Variants in CDPF1 observed in about 807,000 individuals in gnomAD.
CDPF1 encodes the protein cysteine-rich DPF motif domain-containing protein 1.
CDPF1 carries 8 observed loss-of-function variants against 8.3 expected under a neutral mutation model. The observed-to-expected ratio is 0.96, with a 90% CI of 0.57 to 1.74. The LOEUF (loss-of-function observed/expected upper bound fraction) is 1.74. Among genes scored for constraint, CDPF1 ranks in the 40% most tolerant of loss-of-function variants. The pLI, the probability that CDPF1 is intolerant of heterozygous loss-of-function variation, is 0.00. For synonymous variants in CDPF1, 62 were observed against 62.9 expected, an observed-to-expected ratio of 0.99 and a Z score of 0.07; for missense variants, 151 against 155.3, an observed-to-expected ratio of 0.97 and a Z score of 0.15.
In CDPF1 at chr22:46,246,585, C is replaced by T. The variant is rs201588168; in HGVS notation, c.225+525G>A. On this transcript the variant is annotated intron_variant, in intron 3 of 3. Coordinates refer to ENST00000314567, the MANE Select transcript of CDPF1 (RefSeq NM_207327.5). The surrounding 1 kb of genome is among the most constrained non-coding windows in gnomAD (Gnocchi z 7.1). ...CCACTTCCATCCGTCCTTGGGTTTA[C>T]AGCTACCCAGGTGAACCTGGCCCAC... 6.8e-6 allele frequency: 10 copies of T among 1,475,676 alleles called. No homozygotes were observed. The East Asian group carries it at 1.5e-4, about 22-fold the overall frequency. 91.4% of individuals were successfully genotyped at this position (1,475,676 alleles called of 1,614,324 possible).
rs944670977 is a variant in CDPF1 at position 46,249,906 on chromosome 22, T to C, written c.-1+350A>G. 1.3e-5 allele frequency among the ~76,000 whole-genome samples: 2 copies of C among 152,176 alleles called. No homozygotes were observed. Among genetic ancestry groups the C allele is most frequent in the Non-Finnish European group, 2.9e-5 (2 of 68,040 alleles). ...GTGTGCGTGAACCTGATCCCGCTTCTCTTCTGCACGCCGGGGCGTCCTAGG... is the reference window on the plus strand; with the variant it reads ...GTGTGCGTGAACCTGATCCCGCTTCCCTTCTGCACGCCGGGGCGTCCTAGG... On this transcript the variant is annotated intron_variant, in intron 1 of 3. Transcript: ENST00000314567. This position sits in a 1 kb window ranked among gnomAD's most constrained non-coding sequence, Gnocchi z 4.6.
rs1401753841 is a variant in CDPF1 at position 46,245,134 on chromosome 22, A to C, written c.330T>G (p.Ala110=). The C allele has an allele frequency of 5.0e-6, 8 of 1,614,202 alleles. No individual in the cohort carries two copies. Among genetic ancestry groups the C allele is most frequent in the Non-Finnish European group, 6.8e-6 (8 of 1,180,016 alleles). Residue 110 remains alanine (A), a synonymous_variant, in exon 4 of 4, where the codon GCT becomes GCG. Coordinates refer to ENST00000314567, the MANE Select transcript of CDPF1 (RefSeq NM_207327.5). The surrounding 1 kb of genome is among the most constrained non-coding windows in gnomAD (Gnocchi z 6.9). ...EIRQDLEKRK[A]PSKRTPSQPG... ...GCTGGCTGGGGGTCCTCTTTGATGG[A>C]GCTTTCCTTTTCTCCAAGTCTTGCC...
rs879858972 is a variant in CDPF1 at position 46,248,446 on chromosome 22, G to A, written c.1-162C>T. Reference sequence around the variant, plus strand: ...CCAGCTGAAACAGGTTTTCACCGGTGCCCAGAGTGACAGGATTTGCTGTCC... The same window carrying A: ...CCAGCTGAAACAGGTTTTCACCGGTACCCAGAGTGACAGGATTTGCTGTCC... On this transcript the variant is annotated intron_variant, in intron 1 of 3. Transcript: ENST00000314567. The surrounding 1 kb of genome is among the most constrained non-coding windows in gnomAD (Gnocchi z 4.1). Among the ~76,000 whole-genome samples, 6 of 152,202 alleles carry A rather than the reference G, an allele frequency of 3.9e-5. No individual in the cohort carries two copies. Among genetic ancestry groups the A allele is most frequent in the Non-Finnish European group, 7.3e-5 (5 of 68,034 alleles).
Position 46,246,632 on chromosome 22 carries a change from T to A in CDPF1, c.225+478A>T. On this transcript the variant is annotated intron_variant, in intron 3 of 3. Transcript: ENST00000314567. The surrounding 1 kb of genome is among the most constrained non-coding windows in gnomAD (Gnocchi z 7.1). ...CCACCCAGCCTCTCTGAAGCTCAGTTCCCTCATCTATAAAATGGGTGGAAT... is the reference window on the plus strand; with the variant it reads ...CCACCCAGCCTCTCTGAAGCTCAGTACCCTCATCTATAAAATGGGTGGAAT... 1 of 1,542,196 alleles carries A rather than the reference T, an allele frequency of 6.5e-7. No homozygotes were observed.
At position 46,250,257 on chromosome 22, in the gene CDPF1, G is replaced by C. The variant is rs1011029920; in HGVS notation, c.-2C>G. 6.6e-6 allele frequency: 1 copy of C among 152,494 alleles called. No homozygotes were observed. Among genetic ancestry groups the C allele is most frequent in the Non-Finnish European group, 1.5e-5 (1 of 68,266 alleles). The allele number at this position is 152,494 out of a possible 1,614,324, so 9.4% of individuals were successfully genotyped here. A position where few individuals can be genotyped will look rare whatever the true frequency, so the allele number is the denominator to read the frequency against. On this transcript the variant is annotated splice_region_variant and 5_prime_UTR_variant, in exon 1 of 4. Transcript: ENST00000314567. ...GTCACTCTGCCACCTCGAACTCACC[G>C]CCGCCCTCGTCCCACGGCTCCGCGT...
rs1224004143 is a variant in CDPF1, at chr22:46,248,228, G to C, written c.57C>G (p.Thr19=). The part of the protein sequence containing the change: ...PLGVFECELC[T]LTAPYSYVGQ... The stretch of plus-strand genomic sequence containing the variant: ...CCACATAGCTGTACGGAGCTGTCAA[G>C]GTACAGAGTTCACACTCAAACACTC... The change falls in exon 2 of 4, where the codon ACC becomes ACG. Residue 19 remains threonine (T), a synonymous_variant. Transcript: ENST00000314567. This position sits in a 1 kb window ranked among gnomAD's most constrained non-coding sequence, Gnocchi z 4.1. 2 of 1,613,788 alleles carry C rather than the reference G, an allele frequency of 1.2e-6. No homozygotes were observed. The highest frequency in any genetic ancestry group is 2.7e-5 in the African/African-American group (2 of 74,946).
Position 46,248,627 on chromosome 22 carries a change from C to T in CDPF1, c.1-343G>A, listed in dbSNP as rs1021351156. 1.3e-5 allele frequency among the ~76,000 whole-genome samples: 2 copies of T among 152,218 alleles called. No homozygotes were observed. The highest frequency in any genetic ancestry group is 2.9e-5 in the Non-Finnish European group (2 of 68,032). ...CTTTACCACAAGCCCCCAGTGAACG[C>T]TGGTGGAGAAGGGCCCAGAGTGGGT... is the stretch of plus-strand genomic sequence containing the variant. On this transcript the variant is annotated intron_variant, in intron 1 of 3. Transcript: ENST00000314567. The surrounding 1 kb of genome is among the most constrained non-coding windows in gnomAD (Gnocchi z 4.1).
At position 46,247,458 on chromosome 22, in the gene CDPF1, G is replaced by A. The variant is rs1207518698; in HGVS notation, c.114-237C>T. On this transcript the variant is annotated intron_variant, in intron 2 of 3. Transcript: ENST00000314567. This position sits in a 1 kb window ranked among gnomAD's most constrained non-coding sequence, Gnocchi z 4.3. ...CTGCTCTCACCTCTGTAACAGCCAT[G>A]GTAGAGAGAACCCCTTGTTCTCAGC... Among the ~76,000 whole-genome samples the A allele has an allele frequency of 6.6e-6, 1 of 152,170 alleles. No homozygotes were observed. Among genetic ancestry groups the A allele is most frequent in the Non-Finnish European group, 1.5e-5 (1 of 68,028 alleles).
Position 46,245,070 on chromosome 22 carries a change from G to T in CDPF1, c.*22C>A, listed in dbSNP as rs73886772. On this transcript the variant is annotated 3_prime_UTR_variant, in exon 4 of 4. Transcript: ENST00000314567. The surrounding 1 kb of genome is among the most constrained non-coding windows in gnomAD (Gnocchi z 6.9). ...AGGAGCTCTGTGCAGGGTGCCGCCC[G>T]ATGACCTAGCCCCAGTTGCACTCAC... The T allele has an allele frequency of 6.2e-7, 1 of 1,613,284 alleles. No individual in the cohort carries two copies. Among genetic ancestry groups the T allele is most frequent in the African/African-American group, 1.3e-5 (1 of 74,930 alleles).
chr22:46,249,841 C>G lies in CDPF1; in HGVS notation c.-1+415G>C, dbSNP rs1226573157. ...CTGCATTCCAGCCTGGGCGACAGAG[C>G]GAGACTCTGTCTCAAAACAAAAGTT... On this transcript the variant is annotated intron_variant, in intron 1 of 3. Coordinates refer to ENST00000314567, the MANE Select transcript of CDPF1 (RefSeq NM_207327.5). The surrounding 1 kb of genome is among the most constrained non-coding windows in gnomAD (Gnocchi z 4.6). 1.3e-5 allele frequency among the ~76,000 whole-genome samples: 2 copies of G among 152,076 alleles called. No individual in the cohort carries two copies. Among genetic ancestry groups the G allele is most frequent in the Non-Finnish European group, 2.9e-5 (2 of 68,032 alleles).
rs1002793055 is a variant in CDPF1, at chr22:46,247,178, C to T, written c.157G>A (p.Asp53Asn). ...SYVMKDPFTS[D>N]KDRFLVLGSC... ...CCGAGGACCAGGAATCTGTCCTTGT[C>T]GGAGGTGAAGGGATCCTTCATGACA... The change falls in exon 3 of 4, where the codon GAC (aspartate) becomes AAC (asparagine). Residue 53 changes from aspartate to asparagine, a missense_variant. Asp to Asn is a conservative substitution (Grantham distance 23). Transcript: ENST00000314567. The surrounding 1 kb of genome is among the most constrained non-coding windows in gnomAD (Gnocchi z 4.3). 5.6e-6 allele frequency: 9 copies of T among 1,613,938 alleles called. No homozygotes were observed. The Admixed American group carries it at 6.7e-5, about 12-fold the overall frequency.
In CDPF1 at chr22:46,248,316, T is replaced by C; in HGVS notation, c.1-32A>G. ...GATCAAGAGATGGGGTGTCCCTGGG[T>C]CACAGGCTTTCTCAGGAATCCTGCC... On this transcript the variant is annotated intron_variant, in intron 1 of 3. Coordinates refer to ENST00000314567, the MANE Select transcript of CDPF1 (RefSeq NM_207327.5). This position sits in a 1 kb window ranked among gnomAD's most constrained non-coding sequence, Gnocchi z 4.1. 1 of 1,398,870 alleles carries C rather than the reference T, an allele frequency of 7.1e-7. No individual in the cohort carries two copies. Among genetic ancestry groups the C allele is most frequent in the Non-Finnish European group, 1.0e-6 (1 of 991,550 alleles). 86.7% of individuals were successfully genotyped at this position (1,398,870 alleles called of 1,614,324 possible). A position where few individuals can be genotyped will look rare whatever the true frequency, so the allele number is the denominator to read the frequency against.
In CDPF1 at chr22:46,244,855, G is replaced by A; in HGVS notation, c.*237C>T. 1 of 514,166 alleles carries A rather than the reference G, an allele frequency of 1.9e-6. No homozygotes were observed. Among genetic ancestry groups the A allele is most frequent in the African/African-American group, 1.9e-5 (1 of 51,970 alleles). 31.9% of individuals were successfully genotyped at this position (514,166 alleles called of 1,614,324 possible). On this transcript the variant is annotated 3_prime_UTR_variant, in exon 4 of 4. Coordinates refer to ENST00000314567, the MANE Select transcript of CDPF1 (RefSeq NM_207327.5). This position sits in a 1 kb window ranked among gnomAD's most constrained non-coding sequence, Gnocchi z 6.7. ...CCTGAGGGGCATGTGGGGGGACCTG[G>A]CCGGGTTCCTGGCTGTGTCTTGTCT...
Position 46,247,121 on chromosome 22 carries a change from A to C in CDPF1, c.214T>G (p.Cys72Gly), listed in dbSNP as rs764024549. ...SCCSLCSRLV[C>G]VGPECSLFYS... Reference sequence around the variant, plus strand: ...CGCTGCTTACCCACCGGGCCCACACACACCAGCCTGCTGCACAAACTGCAG... The same window carrying C: ...CGCTGCTTACCCACCGGGCCCACACCCACCAGCCTGCTGCACAAACTGCAG... Residue 72 changes from cysteine to glycine, a missense_variant, in exon 3 of 4, where the codon TGT becomes GGT. By Grantham distance (159) the Cys-to-Gly change is radical. Coordinates refer to ENST00000314567, the MANE Select transcript of CDPF1 (RefSeq NM_207327.5). The surrounding 1 kb of genome is among the most constrained non-coding windows in gnomAD (Gnocchi z 4.3). 1.2e-6 allele frequency: 2 copies of C among 1,613,404 alleles called. No homozygotes were observed. Among genetic ancestry groups the C allele is most frequent in the East Asian group, 4.5e-5 (2 of 44,866 alleles).
In CDPF1 at chr22:46,248,417, ATCCCCAG is replaced by A; in HGVS notation, c.1-140_1-134del. ...GCCTCCCTACCGTACCCTTTTCTCTATCCCCAGCTGAAACAGGTTTTCACCGGTGCCC... is the reference window on the plus strand; with the variant it reads ...GCCTCCCTACCGTACCCTTTTCTCTACTGAAACAGGTTTTCACCGGTGCCC... On this transcript the variant is annotated intron_variant, in intron 1 of 3. Transcript: ENST00000314567. The surrounding 1 kb of genome is among the most constrained non-coding windows in gnomAD (Gnocchi z 4.1). 1.7e-6 allele frequency: 1 copy of A among 587,304 alleles called. No individual in the cohort carries two copies. Among genetic ancestry groups the A allele is most frequent in the Non-Finnish European group, 3.1e-6 (1 of 325,916 alleles). 36.4% of individuals were successfully genotyped at this position (587,304 alleles called of 1,614,324 possible).
chr22:46,247,340 G>T lies in CDPF1; in HGVS notation c.114-119C>A. 1.4e-6 allele frequency: 1 copy of T among 694,582 alleles called. No individual in the cohort carries two copies. The highest frequency in any genetic ancestry group is 2.6e-6 in the Non-Finnish European group (1 of 384,894). 43.0% of individuals were successfully genotyped at this position (694,582 alleles called of 1,614,324 possible). On this transcript the variant is annotated intron_variant, in intron 2 of 3. Transcript: ENST00000314567. This position sits in a 1 kb window ranked among gnomAD's most constrained non-coding sequence, Gnocchi z 4.3. Reference sequence around the variant, plus strand: ...TCTGCAGGGCCTGCATACCTGCGTGGGCTCATCAGGGCAGGGGACTAGGCC... The same window carrying T: ...TCTGCAGGGCCTGCATACCTGCGTGTGCTCATCAGGGCAGGGGACTAGGCC...
chr22:46,245,096 G>A lies in CDPF1; in HGVS notation c.368C>T (p.Thr123Met), dbSNP rs151250954. 8.1e-5 allele frequency: 130 copies of A among 1,614,036 alleles called. No homozygotes were observed. The highest frequency in any genetic ancestry group is 1.7e-4 in the Admixed American group (10 of 60,018). ...KRTPSQPGSR[T>M] ...ATGACCTAGCCCCAGTTGCACTCAC[G>A]TCCGAGAACCGGGCTGGCTGGGGGT... The change falls in exon 4 of 4, where the codon ACG (threonine) becomes ATG (methionine). Residue 123 changes from threonine (T) to methionine (M), a missense_variant. By Grantham distance (81) the Thr-to-Met change is moderately conservative. Coordinates refer to ENST00000314567, the MANE Select transcript of CDPF1 (RefSeq NM_207327.5). The surrounding 1 kb of genome is among the most constrained non-coding windows in gnomAD (Gnocchi z 6.9).
rs541312368 is a variant in CDPF1, at chr22:46,248,581, G to C, written c.1-297C>G. On this transcript the variant is annotated intron_variant, in intron 1 of 3. Coordinates refer to ENST00000314567, the MANE Select transcript of CDPF1 (RefSeq NM_207327.5). The surrounding 1 kb of genome is among the most constrained non-coding windows in gnomAD (Gnocchi z 4.1). ...GTCTGCACCACGGTAAAAGCGTTCCGGTCTCCTGCTCTGCCCCATTCTTTA... is the reference window on the plus strand; with the variant it reads ...GTCTGCACCACGGTAAAAGCGTTCCCGTCTCCTGCTCTGCCCCATTCTTTA... Among the ~76,000 whole-genome samples the C allele has an allele frequency of 6.6e-6, 1 of 152,190 alleles. No individual in the cohort carries two copies. Among genetic ancestry groups the C allele is most frequent in the African/African-American group, 2.4e-5 (1 of 41,426 alleles).
At position 46,248,300 on chromosome 22, in the gene CDPF1, A is replaced by G; in HGVS notation, c.1-16T>C. 1 of 1,548,264 alleles carries G rather than the reference A, an allele frequency of 6.5e-7. No homozygotes were observed. The highest frequency in any genetic ancestry group is 8.9e-7 in the Non-Finnish European group (1 of 1,123,212). ...GGGACGCCATCTGCAAGATCAAGAG[A>G]TGGGGTGTCCCTGGGTCACAGGCTT... On this transcript the variant is annotated splice_polypyrimidine_tract_variant and intron_variant, in intron 1 of 3. Coordinates refer to ENST00000314567, the MANE Select transcript of CDPF1 (RefSeq NM_207327.5). The surrounding 1 kb of genome is among the most constrained non-coding windows in gnomAD (Gnocchi z 4.1).
Sources: gnomAD v4.1 joint callset for allele counts (sites outside exome capture counted in the v4.1 genomes callset) on GRCh38, gnomAD v4.1.1 for gene constraint, Gnocchi (gnomAD v3.1) non-coding constraint, MANE v1.5 for transcripts, NCBI Gene and HGNC (gene_info 2026-07-23, HGNC 2026-07-21) for gene names.